Variants in CCSER1 observed in about 807,000 individuals in gnomAD.
CCSER1 encodes coiled-coil serine rich protein 1.
CCSER1 carries 41 observed loss-of-function variants against 82.0 expected under a neutral mutation model. The observed-to-expected ratio is 0.50, with a 90% CI of 0.39 to 0.65. The LOEUF is 0.65. Ranked by LOEUF, CCSER1 falls within the 30% of genes least tolerant of loss-of-function variation. The pLI is 0.00. For missense variants in CCSER1, 1,119 were observed against 1,064.2 expected, an observed-to-expected ratio of 1.05 and a Z score of -0.72; for synonymous variants, 414 against 383.9, an observed-to-expected ratio of 1.08 and a Z score of -0.92.
chr4:90,306,579 A>C (rs927448943), intron 1 of CCSER1, among the ~76,000 whole-genome samples: 5 of 152,172 alleles, frequency 3.3e-5, no homozygotes, highest in Non-Finnish European at 5.9e-5. Flanking sequence ...TTTGGAGAAA[A>C]ATATTAAATA....
chr4:90,855,297 T>C (rs908192670), intron 8 of CCSER1, among the ~76,000 whole-genome samples: 1 of 152,144 alleles, frequency 6.6e-6, no homozygotes, highest in Non-Finnish European at 1.5e-5. Context: ...CACACTACCA[T>C]TAGTGGAGAC....
intron 3 of CCSER1, among the ~76,000 whole-genome samples, chr4:90,347,607 C>G (rs1395346358): frequency 6.6e-6 from 1 of 152,008 alleles, no homozygotes; most frequent in East Asian, 1.9e-4. Flanking sequence ...CTGAATATGT[C>G]CCCTACATTT....
intron 3 of CCSER1, among the ~76,000 whole-genome samples, chr4:90,316,708 A>T (rs1736230283): frequency 6.6e-6 from 1 of 152,192 alleles, no homozygotes; most frequent in South Asian, 2.1e-4. Flanking sequence ...ATTTATTAAG[A>T]TGCTGAGCAT....
chr4:90,639,189 TTA>T (rs569941679), intron 6 of CCSER1, among the ~76,000 whole-genome samples: 5 of 151,044 alleles, frequency 3.3e-5, no homozygotes, highest in African/African-American at 7.3e-5. Flanking sequence ...TATATATTCT[TTA>T]TATATATATA....
At chr4:91,585,524 A>G (rs775081103) in intron 10 of CCSER1, among the ~76,000 whole-genome samples, 2 of 151,530 alleles carry the variant, frequency 1.3e-5, no homozygotes, top group Non-Finnish European at 3.0e-5. Context: ...ATATACATAC[A>G]TATGTATAGG....
chr4:90,303,430 A>T (rs1347851763), intron 1 of CCSER1, among the ~76,000 whole-genome samples: 2 of 152,194 alleles, frequency 1.3e-5, no homozygotes, highest in Non-Finnish European at 2.9e-5. Context: ...CCAAAACAGC[A>T]TGGTACTGGT....
chr4:91,069,945 T>G (rs7660020), intron 9 of CCSER1, among the ~76,000 whole-genome samples: 50,628 of 151,704 alleles, frequency 0.33, 8,911 homozygotes, highest in South Asian at 0.43. Flanking sequence ...TGTTCTCAAT[T>G]TATAATATAG....
chr4:90,881,888 C>A (rs1479748752), intron 8 of CCSER1, among the ~76,000 whole-genome samples: 2 of 150,778 alleles, frequency 1.3e-5, no homozygotes, highest in Non-Finnish European at 3.0e-5. Context: ...CAACTCACTG[C>A]AGCTGAACTG....
At chr4:90,554,773 G>C (rs1207631761) in intron 5 of CCSER1, among the ~76,000 whole-genome samples, 1 of 152,120 alleles carries the variant, frequency 6.6e-6, no homozygotes, top group Non-Finnish European at 1.5e-5. Context: ...TAACAGATTT[G>C]ACTTCTCATC....
intron 10 of CCSER1, among the ~76,000 whole-genome samples, chr4:91,521,794 G>A (rs1020164628): frequency 6.6e-6 from 1 of 152,140 alleles, no homozygotes; most frequent in Admixed American, 6.5e-5. Flanking sequence ...TTCATCAGAT[G>A]GGCAGATTGC....
intron 8 of CCSER1, among the ~76,000 whole-genome samples, chr4:90,838,176 A>G (rs1245149615): frequency 6.6e-6 from 1 of 151,780 alleles, no homozygotes; most frequent in Admixed American, 6.6e-5. Context: ...TAAGAAAATA[A>G]ATCCTATAAA....
intron 5 of CCSER1, among the ~76,000 whole-genome samples, chr4:90,521,377 T>G (rs969557118): frequency 5.3e-5 from 8 of 152,150 alleles, no homozygotes; most frequent in African/African-American, 1.9e-4. Flanking sequence ...GCATTGAGAT[T>G]TAAGAATTTA....
chr4:91,477,833 T>C (rs113976363), intron 10 of CCSER1, among the ~76,000 whole-genome samples: 1,593 of 151,916 alleles, frequency 0.01, 13 homozygotes, highest in Middle Eastern at 0.02. Flanking sequence ...GGGTAGTATA[T>C]ATGCATCAAA....
At chr4:90,524,437 A>G (rs1773497892) in intron 5 of CCSER1, among the ~76,000 whole-genome samples, 1 of 152,134 alleles carries the variant, frequency 6.6e-6, no homozygotes, top group Non-Finnish European at 1.5e-5. Context: ...TAATTCTTGC[A>G]TTCTTCAGCA....
At chr4:91,483,485 G>C (rs1758054684) in intron 10 of CCSER1, among the ~76,000 whole-genome samples, 1 of 151,734 alleles carries the variant, frequency 6.6e-6, no homozygotes, top group African/African-American at 2.4e-5. Context: ...ACCCAGGTTG[G>C]AGTGCAATGG....
rs116257076 is a variant in CCSER1, at chr4:90,832,119, A to T, written c.2094+16274A>T. 6.7e-3 allele frequency among the ~76,000 whole-genome samples: 1,023 copies of T among 152,180 alleles called. 15 individuals are homozygous for T. The highest frequency in any genetic ancestry group is 0.024 in the African/African-American group (987 of 41,552). ...TCCTAGTTCAGTGTTATAAGTAACA[A>T]TTTACTAGTAATGTTATCTTTTATC... On this transcript the variant is annotated intron_variant, in intron 8 of 10. Coordinates refer to ENST00000509176, the MANE Select transcript of CCSER1 (RefSeq NM_001145065.2).
chr4:90,448,931 G>A (rs62312943), intron 4 of CCSER1, among the ~76,000 whole-genome samples: 11,715 of 152,164 alleles, frequency 0.077, 605 homozygotes, highest in African/African-American at 0.14. Context: ...GAAGAATGAG[G>A]TATGCAGACA....
In CCSER1 at chr4:90,647,368, C is replaced by T. The variant is rs550378608; in HGVS notation, c.1932+19136C>T. Among the ~76,000 whole-genome samples, 239 of 152,218 alleles carry T rather than the reference C, an allele frequency of 1.6e-3. 1 individual carries two copies. Among genetic ancestry groups the T allele is most frequent in the African/African-American group, 5.6e-3 (233 of 41,536 alleles). On this transcript the variant is annotated intron_variant, in intron 6 of 10. Transcript: ENST00000509176. ...GTTGTTGTTGTTTCTCAGGTAGACA[C>T]ATATGAGCACGTTAACCGCTTTTAC...
intron 9 of CCSER1, among the ~76,000 whole-genome samples, chr4:91,005,390 TACACACACACAC>T (rs10555507): frequency 1.3e-5 from 2 of 149,134 alleles, no homozygotes; most frequent in Non-Finnish European, 3.0e-5. Flanking sequence ...GAAGTAATTT[TACACACACACAC>T]ACACACACAC....
Sources: gnomAD v4.1 joint callset for allele counts (sites outside exome capture counted in the v4.1 genomes callset) on GRCh38, gnomAD v4.1.1 for gene constraint, MANE v1.5 for transcripts, NCBI Gene and HGNC (gene_info 2026-07-23, HGNC 2026-07-21) for gene names.